Variants in AMD1 observed in about 807,000 individuals in gnomAD.
AMD1 encodes adenosylmethionine decarboxylase 1.
Under a neutral mutation model 40.2 loss-of-function variants are expected in AMD1, and 11 were observed. That is an observed-to-expected ratio of 0.27 (90% confidence interval 0.17 to 0.45). The LOEUF (loss-of-function observed/expected upper bound fraction) is 0.45. Among genes scored for constraint, AMD1 ranks in the 20% least tolerant of loss-of-function variants. AMD1 has a pLI of 1.00. For synonymous variants in AMD1, 121 were observed against 130.8 expected (o/e 0.93, Z 0.51); for missense variants, 257 against 410.2 (o/e 0.63, Z 3.23).
chr6:110,890,582 C>T (rs563959375), intron 4 of AMD1, among the ~76,000 whole-genome samples: 1 of 152,172 alleles, frequency 6.6e-6, no homozygotes, highest in Admixed American at 6.5e-5. Context: ...ACATCCCAGG[C>T]TTAAGTGATC....
At chr6:110,863,494 T>C in the AMD1 span, among the ~76,000 whole-genome samples, 40 of 151,090 alleles carry the variant, frequency 2.6e-4, no homozygotes, top group Non-Finnish European at 4.7e-4. Context: ...CTCAGCCTCC[T>C]GAGTATCTGG....
At chr6:110,860,832 C>CA in the AMD1 span, among the ~76,000 whole-genome samples, 182 of 116,710 alleles carry the variant, frequency 1.6e-3, 3 homozygotes, top group Middle Eastern at 8.3e-3. Context: ...AAAACACCCA[C>CA]CCACACACAC....
chr6:110,834,361 T>C, the AMD1 span, among the ~76,000 whole-genome samples: 6 of 152,006 alleles, frequency 3.9e-5, no homozygotes, highest in African/African-American at 1.5e-4. Flanking sequence ...AATAATATTC[T>C]AGCATGTTTA....
At chr6:110,844,313 A>G in the AMD1 span, among the ~76,000 whole-genome samples, 1 of 151,802 alleles carries the variant, frequency 6.6e-6, no homozygotes, top group Non-Finnish European at 1.5e-5. Context: ...ATGTGCCACA[A>G]TGCCTGGCTA....
At chr6:110,883,482 C>A (rs1392757315) in intron 1 of AMD1, among the ~76,000 whole-genome samples, 1 of 152,182 alleles carries the variant, frequency 6.6e-6, no homozygotes, top group Non-Finnish European at 1.5e-5. Context: ...TGGAAGAAAT[C>A]TCTTTTTTGC....
chr6:110,858,538 G>A, the AMD1 span: 4 of 1,598,418 alleles, frequency 2.5e-6, no homozygotes, highest in African/African-American at 5.4e-5. Context: ...GCTACGGCAT[G>A]AACACCGTGG....
intron 6 of AMD1, 64 bp downstream of exon 6, chr6:110,892,507 A>C: frequency 6.3e-7 from 1 of 1,594,788 alleles, no homozygotes; most frequent in Non-Finnish European, 8.5e-7. Flanking sequence ...TTTATTTTTC[A>C]TTCTGTAACT....
rs750561002 is a variant in AMD1, at chr6:110,892,320, C to T, written c.492C>T (p.Phe164=). The stretch of plus-strand genomic sequence containing the variant: ...TTAGGTACTTATATACTCTGGATTT[C>T]CCAGAGAGTCGGGTAATCAGTCAGC... ...SDCWYLYTLD[F]PESRVISQPD... Residue 164 remains phenylalanine (F), a synonymous_variant, in exon 6 of 9, where the codon TTC becomes TTT. Coordinates refer to ENST00000368885, the MANE Select transcript of AMD1 (RefSeq NM_001634.6). The T allele has an allele frequency of 1.2e-6, 2 of 1,613,688 alleles. No individual in the cohort carries two copies. The highest frequency in any genetic ancestry group is 1.1e-5 in the South Asian group (1 of 91,054).
the AMD1 span, among the ~76,000 whole-genome samples, chr6:110,860,594 T>G: frequency 8.0e-5 from 12 of 150,094 alleles, no homozygotes; most frequent in African/African-American, 2.2e-4. Flanking sequence ...AGGTCAGGAG[T>G]TCGCGACCAA....
the AMD1 span, among the ~76,000 whole-genome samples, chr6:110,836,113 C>A: frequency 6.6e-6 from 1 of 150,480 alleles, no homozygotes; most frequent in Non-Finnish European, 1.5e-5. Context: ...GGAAGATAAA[C>A]CTATATAATC....
the AMD1 span, among the ~76,000 whole-genome samples, chr6:110,868,302 C>T: frequency 6.6e-6 from 1 of 152,030 alleles, no homozygotes; most frequent in African/African-American, 2.4e-5. Context: ...CGCTCACCAC[C>T]ACACCTGGCT....
At position 110,893,958 on chromosome 6, in the gene AMD1, ATC is replaced by A; in HGVS notation, c.*343_*344del. ...TGCACAGTGTAATATTTCTCCAAGT[ATC>A]ATCCAAAATTCCCCACAGACAAGGC... On this transcript the variant is annotated 3_prime_UTR_variant, in exon 9 of 9. Transcript: ENST00000368885. 1 of 219,630 alleles carries A rather than the reference ATC, an allele frequency of 4.6e-6. No homozygotes were observed. The highest frequency in any genetic ancestry group is 5.1e-5 in the Admixed American group (1 of 19,504). 13.6% of individuals were successfully genotyped at this position (219,630 alleles called of 1,614,324 possible). A position where few individuals can be genotyped will look rare whatever the true frequency, so the allele number is the denominator to read the frequency against.
chr6:110,847,722 G>GT, the AMD1 span, among the ~76,000 whole-genome samples: 7 of 117,426 alleles, frequency 6.0e-5, no homozygotes, highest in Non-Finnish European at 1.1e-4. Flanking sequence ...TTTGTTTTTT[G>GT]TTTTTTTGAG....
chr6:110,852,245 G>T, the AMD1 span, among the ~76,000 whole-genome samples: 3 of 98,838 alleles, frequency 3.0e-5, no homozygotes, highest in South Asian at 3.2e-4. Flanking sequence ...TTTTTGAGAA[G>T]GAGTCTCTCT....
the AMD1 span, among the ~76,000 whole-genome samples, chr6:110,825,981 A>C: frequency 1.3e-5 from 2 of 151,994 alleles, no homozygotes; most frequent in Non-Finnish European, 2.9e-5. Flanking sequence ...AGCCTGGGCA[A>C]CAGAGTAAGA....
upstream of AMD1, among the ~76,000 whole-genome samples, chr6:110,871,787 G>C (rs533258482): frequency 1.1e-4 from 16 of 152,268 alleles, no homozygotes; most frequent in African/African-American, 3.9e-4. Context: ...TGTCTCAAAG[G>C]TTTGAAATTC....
intron 1 of AMD1, among the ~76,000 whole-genome samples, chr6:110,876,050 C>G (rs1433795064): frequency 6.6e-6 from 1 of 152,202 alleles, no homozygotes; most frequent in African/African-American, 2.4e-5. Context: ...CCCGCCTGCC[C>G]CAGGACATAA....
At chr6:110,885,432 TTTGTTTG>T (rs1785628326) in intron 1 of AMD1, among the ~76,000 whole-genome samples, 2 of 151,282 alleles carry the variant, frequency 1.3e-5, no homozygotes, top group Admixed American at 6.6e-5. Context: ...TTGTTTTTGT[TTTGTTTG>T]TTTGTTTTTG....
chr6:110,858,834 C>T, the AMD1 span: 1 of 777,780 alleles, frequency 1.3e-6, no homozygotes. Context: ...CACATCCTGC[C>T]CCCCATGGAC....
Sources: allele counts gnomAD v4.1 joint callset (sites outside exome capture counted in the v4.1 genomes callset), GRCh38; gene constraint gnomAD v4.1.1; transcripts MANE v1.5; gene names NCBI Gene and HGNC (gene_info 2026-07-23, HGNC 2026-07-21).